AOAH: variants seen among roughly 807,000 people sequenced by gnomAD.
AOAH encodes acyloxyacyl hydrolase, also known as acyloxyacyl hydrolase (neutrophil).
A neutral mutation model predicts 92.2 loss-of-function variants in AOAH; 64 were observed. The ratio of observed to expected loss-of-function variants is 0.69; its 90% CI spans 0.57 to 0.86. AOAH has a LOEUF of 0.86. AOAH is among the 40% of genes least tolerant of loss of function. The probability of loss-of-function intolerance (pLI) is 0.00; values close to 1 mark genes in which losing one functional copy is unlikely to be tolerated. For missense variants in AOAH, 656 were observed against 694.6 expected (o/e 0.94, Z 0.62); for synonymous variants, 263 against 254.5 (o/e 1.03, Z -0.32).
At chr7:36,596,870 T>G (rs1790163686) in intron 11 of AOAH, among the ~76,000 whole-genome samples, 1 of 152,204 alleles carries the variant, frequency 6.6e-6, no homozygotes, top group Non-Finnish European at 1.5e-5. Flanking sequence ...GCTTTTATTA[T>G]TCAAAGGGCT....
chr7:36,565,512 C>T (rs1420845008), intron 13 of AOAH, among the ~76,000 whole-genome samples: 1 of 151,714 alleles, frequency 6.6e-6, no homozygotes, highest in Non-Finnish European at 1.5e-5. Context: ...TGCCTTCACC[C>T]AGATTATCTA....
intron 15 of AOAH, among the ~76,000 whole-genome samples, chr7:36,543,947 C>CTTTCTTTTTT (rs55745823): frequency 2.9e-3 from 263 of 91,010 alleles, no homozygotes; most frequent in Non-Finnish European, 4.2e-3. Flanking sequence ...TTCTTTCTTT[C>CTTTCTTTTTT]TTTTTTTTTT....
chr7:36,560,997 G>A (rs1435193829), intron 13 of AOAH, among the ~76,000 whole-genome samples: 1 of 150,744 alleles, frequency 6.6e-6, no homozygotes, highest in Non-Finnish European at 1.5e-5. Context: ...AATACTTTCT[G>A]AATAGTATCT....
chr7:36,546,639 T>C (rs2116281425), intron 15 of AOAH, among the ~76,000 whole-genome samples: 1 of 152,320 alleles, frequency 6.6e-6, no homozygotes, highest in South Asian at 2.1e-4. Context: ...AAAGTACAGT[T>C]TCAGGGATTT....
In AOAH at chr7:36,530,531, C is replaced by T. The variant is rs1050460049; in HGVS notation, c.1426-17G>A. On this transcript the variant is annotated splice_polypyrimidine_tract_variant and intron_variant, in intron 18 of 20. Transcript: ENST00000617537. ...CTCTGCTCTCTGAAGAGAGAGGAAA[C>T]AGGGAGAATTTCATGAAATCTAGAC... The T allele has an allele frequency of 1.3e-6, 2 of 1,554,578 alleles. No individual in the cohort carries two copies. The highest frequency in any genetic ancestry group is 1.8e-6 in the Non-Finnish European group (2 of 1,127,330).
intron 10 of AOAH, among the ~76,000 whole-genome samples, chr7:36,616,707 TC>T (rs759468180): frequency 3.3e-5 from 5 of 152,184 alleles, no homozygotes; most frequent in Non-Finnish European, 7.3e-5. Context: ...CAGGTGTGTT[TC>T]CCAGCTCAGC....
chr7:36,648,365 T>G (rs1252042314), intron 4 of AOAH, among the ~76,000 whole-genome samples: 1 of 152,212 alleles, frequency 6.6e-6, no homozygotes. Context: ...CTCCTAAATT[T>G]TCAGTCCTTT....
chr7:36,685,897 C>T (rs886839332), intron 2 of AOAH, among the ~76,000 whole-genome samples: 2 of 152,014 alleles, frequency 1.3e-5, no homozygotes, highest in African/African-American at 2.4e-5. Context: ...AACAACTTCT[C>T]TGAAAAGACT....
chr7:36,561,345 A>C (rs1345105293), intron 13 of AOAH, among the ~76,000 whole-genome samples: 1 of 152,074 alleles, frequency 6.6e-6, no homozygotes, highest in Non-Finnish European at 1.5e-5. Flanking sequence ...CCCAGATGAC[A>C]ATTTTAAGAG....
At chr7:36,548,097 G>T (rs1205657242) in intron 15 of AOAH, among the ~76,000 whole-genome samples, 5 of 152,174 alleles carry the variant, frequency 3.3e-5, no homozygotes, top group Admixed American at 3.3e-4. Flanking sequence ...CCCATTTGTT[G>T]TTACATCAGA....
At chr7:36,610,111 CT>C (rs1337278001) in intron 11 of AOAH, among the ~76,000 whole-genome samples, 2 of 49,026 alleles carry the variant, frequency 4.1e-5, no homozygotes, top group South Asian at 5.4e-4. Flanking sequence ...AGGTTTTTTT[CT>C]TTTTTTCTTT....
chr7:36,530,410 CTACT>C lies in AOAH; in HGVS notation c.1522+4_1522+7del. ...ATCTTCTGTCAATACCCAAACAAAG[CTACT>C]TACTTTCATGGAAGGCAAAATCCAT... On this transcript the variant is annotated splice_donor_5th_base_variant and intron_variant, in intron 19 of 20. Transcript: ENST00000617537. 1.3e-6 allele frequency: 2 copies of C among 1,592,022 alleles called. No homozygotes were observed. Among genetic ancestry groups the C allele is most frequent in the Non-Finnish European group, 1.7e-6 (2 of 1,159,986 alleles).
chr7:36,536,510 C>T (rs1441861350), intron 16 of AOAH, among the ~76,000 whole-genome samples: 3 of 152,084 alleles, frequency 2.0e-5, no homozygotes, highest in Non-Finnish European at 4.4e-5. Flanking sequence ...ACCCTGAGGC[C>T]GGCCCAGCAT....
At chr7:36,536,020 G>C (rs144184698) in intron 16 of AOAH, among the ~76,000 whole-genome samples, 7 of 152,158 alleles carry the variant, frequency 4.6e-5, no homozygotes, top group Admixed American at 1.3e-4. Flanking sequence ...AGCCAGCGAC[G>C]GACTGGGTAG....
rs977270787 is a variant in AOAH, at chr7:36,707,914, A to C, written c.127+16108T>G. ...TTTCCCAGGCTCAAGAGATCCTCCC[A>C]CCTCAGCCTCTGGAGTAGCTGGTTA... On this transcript the variant is annotated intron_variant, in intron 1 of 20. Coordinates refer to ENST00000617537, the MANE Select transcript of AOAH (RefSeq NM_001637.4). Among the ~76,000 whole-genome samples, 47 of 151,976 alleles carry C rather than the reference A, an allele frequency of 3.1e-4. 1 individual carries two copies. The highest frequency in any genetic ancestry group is 1.1e-3 in the African/African-American group (44 of 41,460).
intron 12 of AOAH, among the ~76,000 whole-genome samples, chr7:36,591,731 T>C (rs1789759203): frequency 6.6e-6 from 1 of 152,170 alleles, no homozygotes; most frequent in African/African-American, 2.4e-5. Context: ...AAAGGGAGCT[T>C]TCCCTCTCAT....
intron 11 of AOAH, among the ~76,000 whole-genome samples, chr7:36,604,297 C>A (rs1790823143): frequency 6.6e-6 from 1 of 152,146 alleles, no homozygotes; most frequent in Non-Finnish European, 1.5e-5. Flanking sequence ...TTGGTAAGCA[C>A]ATGGTAATAT....
intron 11 of AOAH, chr7:36,594,719 C>T (rs767613031): frequency 2.5e-6 from 1 of 403,982 alleles, no homozygotes; most frequent in Non-Finnish European, 4.6e-6. Context: ...GACTAAACTT[C>T]CCATTCTTAC....
intron 1 of AOAH, among the ~76,000 whole-genome samples, chr7:36,693,064 G>A (rs1423886165): frequency 6.6e-6 from 1 of 152,214 alleles, no homozygotes; most frequent in East Asian, 1.9e-4. Context: ...GGGAATGGAA[G>A]AGTGAGAGAG....
Sources: gnomAD v4.1 joint callset for allele counts (sites outside exome capture counted in the v4.1 genomes callset) on GRCh38, gnomAD v4.1.1 for gene constraint, MANE v1.5 for transcripts, NCBI Gene and HGNC (gene_info 2026-07-23, HGNC 2026-07-21) for gene names.